Variants in SNTG1 observed in about 807,000 individuals in gnomAD.
The protein encoded by SNTG1 is gamma-1-syntrophin.
A neutral mutation model predicts 74.7 loss-of-function variants in SNTG1; 39 were observed. The ratio of observed to expected loss-of-function variants is 0.52; its 90% CI spans 0.40 to 0.68. The LOEUF (loss-of-function observed/expected upper bound fraction) is 0.68, where lower values mean the gene tolerates loss of function less well. SNTG1 is among the 30% of genes least tolerant of loss of function. The probability of loss-of-function intolerance (pLI) is 0.00; values close to 1 mark genes in which losing one functional copy is unlikely to be tolerated. For missense variants in SNTG1, 685 were observed against 609.5 expected (o/e 1.12, Z -1.30); for synonymous variants, 254 against 217.1 (o/e 1.17, Z -1.49).
chr8:50,542,130 G>A (rs1410982572), intron 11 of SNTG1, among the ~76,000 whole-genome samples: 2 of 145,402 alleles, frequency 1.4e-5, no homozygotes, highest in Admixed American at 6.9e-5. Context: ...ATATATGAAT[G>A]TAGTATATGT....
At chr8:50,680,976 T>G (rs2095328598) in intron 15 of SNTG1, among the ~76,000 whole-genome samples, 1 of 152,140 alleles carries the variant, frequency 6.6e-6, no homozygotes, top group South Asian at 2.1e-4. Context: ...TTAAATTTCG[T>G]TTGGTTTATC....
chr8:50,048,233 A>T (rs564709467), intron 1 of SNTG1, among the ~76,000 whole-genome samples: 1 of 152,320 alleles, frequency 6.6e-6, no homozygotes. Context: ...AGTGGGTTTT[A>T]AAAATATTGG....
chr8:50,434,418 C>A (rs1279075439), intron 4 of SNTG1, among the ~76,000 whole-genome samples: 1 of 152,096 alleles, frequency 6.6e-6, no homozygotes, highest in Non-Finnish European at 1.5e-5. Flanking sequence ...AATAGGATGG[C>A]TGAGTCAAAT....
intron 2 of SNTG1, among the ~76,000 whole-genome samples, chr8:50,193,645 A>G (rs562081952): frequency 2.2e-4 from 33 of 152,126 alleles, no homozygotes; most frequent in Non-Finnish European, 4.4e-4. Context: ...CTCTTTGCCA[A>G]TGTGGATGCC....
intron 18 of SNTG1, among the ~76,000 whole-genome samples, chr8:50,776,425 A>G (rs2095640988): frequency 6.8e-6 from 1 of 147,020 alleles, no homozygotes; most frequent in Admixed American, 6.9e-5. Context: ...TATAGCTTAT[A>G]ATATTTATAT....
chr8:49,996,587 C>A (rs1337863591), intron 1 of SNTG1, among the ~76,000 whole-genome samples: 2 of 152,122 alleles, frequency 1.3e-5, no homozygotes, highest in Admixed American at 1.3e-4. Flanking sequence ...TCTTAAAATA[C>A]TACACATTAA....
chr8:50,325,799 T>C (rs1380824092), intron 2 of SNTG1, among the ~76,000 whole-genome samples: 4 of 152,110 alleles, frequency 2.6e-5, no homozygotes, highest in Non-Finnish European at 4.4e-5. Context: ...ATAGGAAACA[T>C]CTTTGCCTTG....
intron 2 of SNTG1, among the ~76,000 whole-genome samples, chr8:50,357,734 T>C (rs571812937): frequency 6.6e-6 from 1 of 152,320 alleles, no homozygotes; most frequent in Non-Finnish European, 1.5e-5. Context: ...AGTAGACTGA[T>C]AACTGCTTAG....
chr8:50,493,815 G>GAA (rs200844427), intron 8 of SNTG1, among the ~76,000 whole-genome samples: 1 of 149,580 alleles, frequency 6.7e-6, no homozygotes, highest in African/African-American at 2.5e-5. Context: ...GGTAATTGCT[G>GAA]AAAAAAAACA....
intron 1 of SNTG1, among the ~76,000 whole-genome samples, chr8:49,924,098 CA>C (rs1241576361): frequency 1.2e-4 from 18 of 152,068 alleles, no homozygotes; most frequent in Non-Finnish European, 2.5e-4. Context: ...GTTAGTCTAT[CA>C]ACTAGCTCTG....
At chr8:50,710,569 C>T (rs1387932894) in intron 17 of SNTG1, among the ~76,000 whole-genome samples, 5 of 152,014 alleles carry the variant, frequency 3.3e-5, no homozygotes, top group Non-Finnish European at 5.9e-5. Context: ...CTTACATTAG[C>T]GAATGAGAAA....
intron 12 of SNTG1, among the ~76,000 whole-genome samples, chr8:50,565,130 C>CAT (rs1442595534): frequency 6.6e-6 from 1 of 152,004 alleles, no homozygotes; most frequent in African/African-American, 2.4e-5. Flanking sequence ...AACTGATGAA[C>CAT]ATTCTACAAA....
At chr8:50,100,479 C>T (rs1242926822) in intron 1 of SNTG1, among the ~76,000 whole-genome samples, 1 of 152,028 alleles carries the variant, frequency 6.6e-6, no homozygotes, top group African/African-American at 2.4e-5. Context: ...ATGCTGATTA[C>T]CCTGATTTGA....
intron 1 of SNTG1, among the ~76,000 whole-genome samples, chr8:50,100,708 A>T (rs2080089865): frequency 6.6e-6 from 1 of 152,148 alleles, no homozygotes; most frequent in African/African-American, 2.4e-5. Flanking sequence ...CATAAACAGT[A>T]CTTGGTATGC....
chr8:49,971,757 C>T (rs1383644175), intron 1 of SNTG1, among the ~76,000 whole-genome samples: 1 of 152,112 alleles, frequency 6.6e-6, no homozygotes, highest in Non-Finnish European at 1.5e-5. Flanking sequence ...AGTGAACTCC[C>T]ATTCACAATT....
At chr8:50,512,180 A>T (rs1433524995) in intron 9 of SNTG1, among the ~76,000 whole-genome samples, 1 of 151,988 alleles carries the variant, frequency 6.6e-6, no homozygotes, top group African/African-American at 2.4e-5. Context: ...TATGAAGCTT[A>T]GTTTGGCTGG....
At chr8:50,376,988 G>A (rs1321564380) in intron 2 of SNTG1, among the ~76,000 whole-genome samples, 1 of 152,022 alleles carries the variant, frequency 6.6e-6, no homozygotes, top group Non-Finnish European at 1.5e-5. Flanking sequence ...AACCTGGCCT[G>A]AGTGTTCCCA....
In SNTG1 at chr8:50,134,724, C is replaced by T. The variant is rs943355711; in HGVS notation, c.-102-37837C>T. ...TACTTTAGGAGAAAAAATAGTTGAG[C>T]GGTTATAGATAGAAGAAGGGGCATA... On this transcript the variant is annotated intron_variant, in intron 1 of 18. Transcript: ENST00000642720. 5.3e-5 allele frequency among the ~76,000 whole-genome samples: 8 copies of T among 151,824 alleles called. 1 individual carries two copies. The highest frequency in any genetic ancestry group is 1.2e-4 in the African/African-American group (5 of 41,388).
In SNTG1 at chr8:50,146,146, TTG is replaced by T. The variant is rs148184449; in HGVS notation, c.-102-26399_-102-26398del. Among the ~76,000 whole-genome samples, 336 of 151,004 alleles carry T rather than the reference TTG, an allele frequency of 2.2e-3. 5 individuals are homozygous for T. Among genetic ancestry groups the T allele is most frequent in the African/African-American group, 7.1e-3 (292 of 41,250 alleles). On this transcript the variant is annotated intron_variant, in intron 1 of 18. Transcript: ENST00000642720. ...ATATTTCAACTAAAGAGTATCCAATTTGTGTGTGTGTGTGTGTTTTGTGTGTG... is the reference window on the plus strand; with the variant it reads ...ATATTTCAACTAAAGAGTATCCAATTTGTGTGTGTGTGTGTTTTGTGTGTG...
Sources: allele counts gnomAD v4.1 joint callset (sites outside exome capture counted in the v4.1 genomes callset), GRCh38; gene constraint gnomAD v4.1.1; transcripts MANE v1.5; gene names NCBI Gene and HGNC (gene_info 2026-07-23, HGNC 2026-07-21).